Variants in SLCO1B1 observed in about 807,000 individuals in gnomAD.
SLCO1B1 encodes the protein OATP-2.
Under a neutral mutation model 70.1 loss-of-function variants are expected in SLCO1B1, and 81 were observed. The observed-to-expected ratio is 1.16, with a 90% confidence interval of 0.97 to 1.39. The LOEUF (loss-of-function observed/expected upper bound fraction) is 1.39, where lower values mean the gene tolerates loss of function less well. Ranked by LOEUF, SLCO1B1 falls within the 40% of genes most tolerant of loss-of-function variation. The pLI is 0.00. For missense variants in SLCO1B1, 895 were observed against 799.6 expected, an observed-to-expected ratio of 1.12 and a Z score of -1.44; for synonymous variants, 283 against 271.5, an observed-to-expected ratio of 1.04 and a Z score of -0.42.
chr12:21,221,364 C>T (rs1027226922), intron 12 of SLCO1B1, among the ~76,000 whole-genome samples: 3 of 151,940 alleles, frequency 2.0e-5, no homozygotes, highest in Non-Finnish European at 4.4e-5. Context: ...AAAAGAGGAA[C>T]TCAAATAAAC....
Position 21,138,424 on chromosome 12 carries a change from A to G in SLCO1B1, c.-61-3090A>G, listed in dbSNP as rs4149016. ...ATGTAAATCATTTGAAATTTAAGAA[A>G]AAAATATGTTCAGAGAAAAATATGT... On this transcript the variant is annotated intron_variant, in intron 1 of 14. Coordinates refer to ENST00000256958, the MANE Select transcript of SLCO1B1 (RefSeq NM_006446.5). Among the ~76,000 whole-genome samples, 10 of 152,358 alleles carry G rather than the reference A, an allele frequency of 6.6e-5. No individual in the cohort carries two copies. The East Asian group carries it at 1.9e-3, about 29-fold the overall frequency.
rs1342141030 is a variant in SLCO1B1, at chr12:21,174,636, T to A, written c.286T>A (p.Leu96Ile). ...YFGSKLHRPK[L>I]IGIGCFIMGI... Reference sequence around the variant, plus strand: ...TGGATCCAAACTACATAGACCAAAGTTAATTGGAATCGGTTGTTTCATTAT... The same window carrying A: ...TGGATCCAAACTACATAGACCAAAGATAATTGGAATCGGTTGTTTCATTAT... The change falls in exon 4 of 15, where the codon TTA becomes ATA. Residue 96 changes from leucine to isoleucine, a missense_variant. Transcript: ENST00000256958. The A allele has an allele frequency of 4.3e-6, 7 of 1,613,508 alleles. No individual in the cohort carries two copies. Among genetic ancestry groups the A allele is most frequent in the Non-Finnish European group, 2.5e-6 (3 of 1,179,686 alleles).
intron 7 of SLCO1B1, among the ~76,000 whole-genome samples, chr12:21,189,542 G>A (rs889965274): frequency 6.6e-6 from 1 of 152,004 alleles, no homozygotes; most frequent in South Asian, 2.1e-4. Flanking sequence ...CTGCCTGCCA[G>A]GTTCCAGTGA....
intron 2 of SLCO1B1, among the ~76,000 whole-genome samples, chr12:21,149,403 T>C (rs180885009): frequency 2.6e-5 from 4 of 152,278 alleles, no homozygotes; most frequent in African/African-American, 9.6e-5. Flanking sequence ...ATTCCATCAA[T>C]ACCTAGTTTA....
At chr12:21,210,873 G>T (rs1941274917) in intron 11 of SLCO1B1, among the ~76,000 whole-genome samples, 1 of 151,884 alleles carries the variant, frequency 6.6e-6, no homozygotes, top group African/African-American at 2.4e-5. Context: ...TCTGTTGTTG[G>T]TGTATAGGAA....
chr12:21,132,946 T>C (rs906743948), intron 1 of SLCO1B1, among the ~76,000 whole-genome samples: 10 of 152,084 alleles, frequency 6.6e-5, no homozygotes, highest in African/African-American at 2.2e-4. Flanking sequence ...GGTTTTCTTC[T>C]AGGGTTTTTA....
chr12:21,182,607 T>C (rs765396795), intron 7 of SLCO1B1, among the ~76,000 whole-genome samples: 6 of 152,122 alleles, frequency 3.9e-5, no homozygotes, highest in Non-Finnish European at 7.4e-5. Flanking sequence ...CCTCCACTGC[T>C]CAGCCTGAGG....
chr12:21,142,935 A>T (rs1565664493), intron 2 of SLCO1B1, among the ~76,000 whole-genome samples: 2 of 152,186 alleles, frequency 1.3e-5, no homozygotes, highest in South Asian at 2.1e-4. Flanking sequence ...CAGCCCAATA[A>T]AGAAGACTAG....
At chr12:21,141,967 G>A (rs186011720) in intron 2 of SLCO1B1, among the ~76,000 whole-genome samples, 4 of 151,374 alleles carry the variant, frequency 2.6e-5, no homozygotes, top group South Asian at 2.1e-4. Flanking sequence ...AATAAAAAAT[G>A]CATAATGAAT....
intron 11 of SLCO1B1, among the ~76,000 whole-genome samples, chr12:21,206,629 T>C (rs1941218147): frequency 6.6e-6 from 1 of 151,904 alleles, no homozygotes; most frequent in Admixed American, 6.6e-5. Flanking sequence ...CCTGCTCACC[T>C]AATGTCAATA....
intron 7 of SLCO1B1, among the ~76,000 whole-genome samples, chr12:21,191,814 T>G (rs1744375466): frequency 6.6e-6 from 1 of 152,156 alleles, no homozygotes; most frequent in African/African-American, 2.4e-5. Context: ...CCTAGCTTGT[T>G]GAAAGTTTTT....
At chr12:21,228,197 C>T (rs1014107026) in intron 14 of SLCO1B1, among the ~76,000 whole-genome samples, 1 of 152,068 alleles carries the variant, frequency 6.6e-6, no homozygotes, top group South Asian at 2.1e-4. Flanking sequence ...CATTTTCCTT[C>T]TGATTAAAGT....
In SLCO1B1 at chr12:21,226,636, T is replaced by C. The variant is rs368404718; in HGVS notation, c.1865+1797T>C. Reference sequence around the variant, plus strand: ...TGATATTATCATGTTGGATACATGATGTTATGTATTTGTCAAACCTATGGA... The same window carrying C: ...TGATATTATCATGTTGGATACATGACGTTATGTATTTGTCAAACCTATGGA... On this transcript the variant is annotated intron_variant, in intron 14 of 14. Transcript: ENST00000256958. Among the ~76,000 whole-genome samples the C allele has an allele frequency of 3.0e-3, 456 of 152,212 alleles. 1 individual carries two copies. The highest frequency in any genetic ancestry group is 0.01 in the African/African-American group (418 of 41,548).
At chr12:21,146,962 C>T (rs536196993) in intron 2 of SLCO1B1, among the ~76,000 whole-genome samples, 1 of 152,028 alleles carries the variant, frequency 6.6e-6, no homozygotes. Flanking sequence ...TTGTTAAGGT[C>T]AATCATGTTC....
intron 14 of SLCO1B1, among the ~76,000 whole-genome samples, chr12:21,234,727 T>TA (rs1299585437): frequency 2.6e-5 from 4 of 152,200 alleles, no homozygotes; most frequent in Non-Finnish European, 5.9e-5. Flanking sequence ...CTAGAGGTTT[T>TA]AAAATACTTT....
Position 21,151,036 on chromosome 12 carries a change from C to T in SLCO1B1, c.84+9378C>T, listed in dbSNP as rs35736025. 4.6e-5 allele frequency among the ~76,000 whole-genome samples: 7 copies of T among 152,220 alleles called. No individual in the cohort carries two copies. The South Asian group carries it at 8.3e-4, about 18-fold the overall frequency. Reference sequence around the variant, plus strand: ...TTTTGTCATTGTGCAAACATCTTAGCGTGTACATACATAAACCTAGATATT... The same window carrying T: ...TTTTGTCATTGTGCAAACATCTTAGTGTGTACATACATAAACCTAGATATT... On this transcript the variant is annotated intron_variant, in intron 2 of 14. Transcript: ENST00000256958.
chr12:21,234,062 A>G (rs888290488), intron 14 of SLCO1B1, among the ~76,000 whole-genome samples: 1 of 152,174 alleles, frequency 6.6e-6, no homozygotes, highest in Non-Finnish European at 1.5e-5. Flanking sequence ...AGTACACCAG[A>G]GTTTTGTTAT....
At chr12:21,214,057 C>T (rs967651800) in intron 11 of SLCO1B1, among the ~76,000 whole-genome samples, 2 of 152,212 alleles carry the variant, frequency 1.3e-5, no homozygotes, top group Non-Finnish European at 2.9e-5. Context: ...AGCCTTCTCT[C>T]AGCTCGTCAA....
At chr12:21,165,112 G>T (rs1000350870) in intron 2 of SLCO1B1, among the ~76,000 whole-genome samples, 1 of 152,092 alleles carries the variant, frequency 6.6e-6, no homozygotes, top group Non-Finnish European at 1.5e-5. Context: ...CAAATTAGAA[G>T]CTTGGAACTG....
Sources: gnomAD v4.1 joint callset for allele counts (sites outside exome capture counted in the v4.1 genomes callset) on GRCh38, gnomAD v4.1.1 for gene constraint, MANE v1.5 for transcripts, NCBI Gene and HGNC (gene_info 2026-07-23, HGNC 2026-07-21) for gene names.